The following ZNF804B variants were observed in gnomAD, a reference collection of about 807,000 sequenced individuals.
ZNF804B encodes the protein zinc finger 804B.
ZNF804B carries 80 observed loss-of-function variants against 101.4 expected under a neutral mutation model. The ratio of observed to expected loss-of-function variants is 0.79; its 90% CI spans 0.66 to 0.95. The LOEUF (loss-of-function observed/expected upper bound fraction) is 0.95, where lower values mean the gene tolerates loss of function less well. Among genes scored for constraint, ZNF804B ranks in the 40% least tolerant of loss-of-function variants. The probability of loss-of-function intolerance (pLI) is 0.00; values close to 1 mark genes in which losing one functional copy is unlikely to be tolerated. For missense variants in ZNF804B, 1,673 were observed against 1,561.9 expected, an observed-to-expected ratio of 1.07 and a Z score of -1.20; for synonymous variants, 622 against 558.8, an observed-to-expected ratio of 1.11 and a Z score of -1.59.
rs1790624207 is a variant in ZNF804B at position 89,135,755 on chromosome 7, C to T, written c.109-82400C>T. On this transcript the variant is annotated intron_variant, in intron 1 of 3. Coordinates refer to ENST00000333190, the MANE Select transcript of ZNF804B (RefSeq NM_181646.5). ...ATATTTTTGTTATAAAAAACTATTA[C>T]ATATCTCTTGTCTACTTTAGGCATC... Among the ~76,000 whole-genome samples, 7 of 152,026 alleles carry T rather than the reference C, an allele frequency of 4.6e-5. No individual in the cohort carries two copies. The South Asian group carries it at 1.5e-3, about 32-fold the overall frequency.
rs576275442 is a variant in ZNF804B, at chr7:89,120,526, T to C, written c.109-97629T>C. Among the ~76,000 whole-genome samples, 455 of 151,362 alleles carry C rather than the reference T, an allele frequency of 3.0e-3. 4 individuals are homozygous for C. Among genetic ancestry groups the C allele is most frequent in the African/African-American group, 0.01 (433 of 41,266 alleles). On this transcript the variant is annotated intron_variant, in intron 1 of 3. Coordinates refer to ENST00000333190, the MANE Select transcript of ZNF804B (RefSeq NM_181646.5). ...CAAAAAAATTAGCCGGGCGTGGTGG[T>C]GGGTGCCTGTAGTCCCAGCTCCTCA...
At chr7:89,282,762 G>A (rs1215328110) in intron 2 of ZNF804B, among the ~76,000 whole-genome samples, 2 of 152,116 alleles carry the variant, frequency 1.3e-5, no homozygotes, top group Non-Finnish European at 2.9e-5. Context: ...TTTCTGGTGC[G>A]ATCATGGAGG....
In ZNF804B at chr7:89,218,028, C is replaced by T. The variant is rs1020351817; in HGVS notation, c.109-127C>T. On this transcript the variant is annotated intron_variant, in intron 1 of 3. Transcript: ENST00000333190. ...AAACTAAAAGTTATTCTCACAGTGTCATGAATTCCCAGAAAACAATGTGCT... is the reference window on the plus strand; with the variant it reads ...AAACTAAAAGTTATTCTCACAGTGTTATGAATTCCCAGAAAACAATGTGCT... 3 of 897,922 alleles carry T rather than the reference C, an allele frequency of 3.3e-6. No homozygotes were observed. The African/African-American group carries it at 5.1e-5, about 15-fold the overall frequency. 55.6% of individuals were successfully genotyped at this position (897,922 alleles called of 1,614,324 possible).
At chr7:89,181,519 T>C (rs1372596050) in intron 1 of ZNF804B, among the ~76,000 whole-genome samples, 1 of 152,128 alleles carries the variant, frequency 6.6e-6, no homozygotes, top group Non-Finnish European at 1.5e-5. Context: ...CAGTCTCCCT[T>C]CCCCAAGCAC....
At chr7:89,003,857 A>G (rs1788327086) in intron 1 of ZNF804B, among the ~76,000 whole-genome samples, 1 of 151,842 alleles carries the variant, frequency 6.6e-6, no homozygotes, top group Non-Finnish European at 1.5e-5. Context: ...TTATGGTACC[A>G]CTTCCTTTAT....
At chr7:89,066,209 CA>C (rs376036238) in intron 1 of ZNF804B, among the ~76,000 whole-genome samples, 449 of 151,888 alleles carry the variant, frequency 3.0e-3, no homozygotes, top group Middle Eastern at 0.01. Flanking sequence ...ACATATTGAT[CA>C]CAGTCACAGC....
intron 1 of ZNF804B, among the ~76,000 whole-genome samples, chr7:89,068,551 G>T (rs1789488901): frequency 6.6e-6 from 1 of 152,096 alleles, no homozygotes; most frequent in African/African-American, 2.4e-5. Context: ...TTTTCAAACT[G>T]CTCTTTTATG....
chr7:89,220,004 C>CATATATGTGTAT, intron 2 of ZNF804B, among the ~76,000 whole-genome samples: 1 of 14,810 alleles, frequency 6.8e-5, no homozygotes, highest in African/African-American at 2.5e-4. Flanking sequence ...TATGTATATG[C>CATATATGTGTAT]ACATATATGT....
chr7:88,995,934 C>G (rs1788189124), intron 1 of ZNF804B, among the ~76,000 whole-genome samples: 1 of 151,858 alleles, frequency 6.6e-6, no homozygotes, highest in Non-Finnish European at 1.5e-5. Context: ...AATACCTGAC[C>G]AATACTCAAA....
chr7:89,236,720 C>T (rs575029621), intron 2 of ZNF804B, among the ~76,000 whole-genome samples: 1 of 151,976 alleles, frequency 6.6e-6, no homozygotes, highest in African/African-American at 2.4e-5. Flanking sequence ...TGAAATCATT[C>T]TCTTAGATTT....
chr7:88,897,563 C>G lies in ZNF804B; in HGVS notation c.108+137479C>G, dbSNP rs535652498. On this transcript the variant is annotated intron_variant, in intron 1 of 3. Transcript: ENST00000333190. ...TAATTTGTTACCCTACAATAGGAAA[C>G]TAATACATTATGTCATGAAACCTCA... is the stretch of plus-strand genomic sequence containing the variant. 4.6e-5 allele frequency among the ~76,000 whole-genome samples: 7 copies of G among 152,268 alleles called. No individual in the cohort carries two copies. The South Asian group carries it at 1.4e-3, about 32-fold the overall frequency.
At chr7:88,828,404 G>T (rs962456684) in intron 1 of ZNF804B, among the ~76,000 whole-genome samples, 3 of 151,846 alleles carry the variant, frequency 2.0e-5, no homozygotes, top group Non-Finnish European at 4.4e-5. Flanking sequence ...CAGTTTAAGT[G>T]GAAGAGTCCT....
At chr7:88,906,008 A>T (rs577744908) in intron 1 of ZNF804B, among the ~76,000 whole-genome samples, 3 of 150,122 alleles carry the variant, frequency 2.0e-5, no homozygotes, top group Admixed American at 2.0e-4. Flanking sequence ...AATCTGGAAG[A>T]TTGTGTGTTT....
intron 1 of ZNF804B, among the ~76,000 whole-genome samples, chr7:88,833,004 G>A (rs1265936046): frequency 6.6e-6 from 1 of 151,888 alleles, no homozygotes. Flanking sequence ...TGAGGCCAGG[G>A]CAGTTTGAAT....
At chr7:88,855,835 T>C (rs1266302102) in intron 1 of ZNF804B, among the ~76,000 whole-genome samples, 1 of 152,226 alleles carries the variant, frequency 6.6e-6, no homozygotes, top group Non-Finnish European at 1.5e-5. Context: ...CTAGCCAGTT[T>C]TCCCAGCACC....
intron 2 of ZNF804B, among the ~76,000 whole-genome samples, chr7:89,324,369 T>G (rs1486023786): frequency 6.6e-6 from 1 of 151,842 alleles, no homozygotes; most frequent in Non-Finnish European, 1.5e-5. Context: ...TTTTGACAAG[T>G]GTTGACATAA....
At chr7:88,861,158 C>T (rs1023983437) in intron 1 of ZNF804B, among the ~76,000 whole-genome samples, 6 of 152,096 alleles carry the variant, frequency 3.9e-5, no homozygotes, top group East Asian at 1.9e-4. Flanking sequence ...GAATGAGACA[C>T]GGTCCTTGTC....
At chr7:89,097,654 A>G (rs1252285842) in intron 1 of ZNF804B, among the ~76,000 whole-genome samples, 1 of 152,202 alleles carries the variant, frequency 6.6e-6, no homozygotes, top group East Asian at 1.9e-4. Flanking sequence ...TAGAAATATA[A>G]TAATAGTGTG....
chr7:89,331,057 A>G (rs1331101138), intron 3 of ZNF804B, among the ~76,000 whole-genome samples: 1 of 151,536 alleles, frequency 6.6e-6, no homozygotes, highest in African/African-American at 2.4e-5. Flanking sequence ...TAATAATGGA[A>G]TTGGGAAAGG....
Sources: allele counts gnomAD v4.1 joint callset (sites outside exome capture counted in the v4.1 genomes callset), GRCh38; gene constraint gnomAD v4.1.1; transcripts MANE v1.5; gene names NCBI Gene and HGNC (gene_info 2026-07-23, HGNC 2026-07-21).